F8: variants seen among roughly 807,000 people sequenced by gnomAD.
F8 encodes the protein coagulation factor VIII.
Under a neutral mutation model 140.6 loss-of-function variants are expected in F8, and 12 were observed. The ratio of observed to expected loss-of-function variants is 0.09; its 90% confidence interval spans 0.05 to 0.14. The LOEUF (loss-of-function observed/expected upper bound fraction) is 0.14. Among genes scored for constraint, F8 ranks in the 10% least tolerant of loss-of-function variants. F8 has a pLI of 1.00. For missense variants in F8, 1,354 were observed against 1,720.7 expected, an observed-to-expected ratio of 0.79 and a Z score of 3.77; for synonymous variants, 585 against 614.6, an observed-to-expected ratio of 0.95 and a Z score of 0.71.
At chrX:154,894,960 G>T (rs1157905784) in intron 22 of F8, among the ~76,000 whole-genome samples, 1 of 111,297 alleles carries the variant, frequency 9.0e-6, no homozygotes, top group Non-Finnish European at 1.9e-5. Context: ...TCCCCACTGT[G>T]TCCCAGTCTT....
chrX:154,985,729 T>C (rs1164972286), intron 5 of F8, among the ~76,000 whole-genome samples: 1 of 112,370 alleles, frequency 8.9e-6, no homozygotes, highest in Non-Finnish European at 1.9e-5. Context: ...GCACTACTAA[T>C]TGTAGACACT....
At chrX:154,997,272 AT>A (rs2073622761) in intron 2 of F8, among the ~76,000 whole-genome samples, 177 bp from the exon 3 acceptor site, 1 of 112,324 alleles carries the variant, frequency 8.9e-6, no homozygotes, top group East Asian at 2.8e-4. Context: ...CTGAGGCAAG[AT>A]TTCTGGCAAT....
chrX:154,902,171 A>G lies in F8; in HGVS notation c.5999-4T>C. 8.8e-7 allele frequency: 1 copy of G among 1,141,855 alleles called. No homozygotes were observed. The highest frequency in any genetic ancestry group is 1.2e-6 in the Non-Finnish European group (1 of 831,411). 94.1% of individuals were successfully genotyped at this position (1,141,855 alleles called of 1,213,427 possible). On this transcript the variant is annotated splice_polypyrimidine_tract_variant and splice_region_variant and intron_variant, in intron 18 of 25. Transcript: ENST00000360256. ...ATTTCCACTGTCTCAAAAACACCTT[A>G]TAAAAACCAACAGGAACAGAAATTA...
chrX:154,910,246 A>G (rs1473960741), intron 14 of F8, among the ~76,000 whole-genome samples: 1 of 111,642 alleles, frequency 9.0e-6, no homozygotes, highest in Non-Finnish European at 1.9e-5. Flanking sequence ...CAGCCATAAA[A>G]AAGGATGAGT....
chrX:154,936,682 A>G (rs1447517836), intron 13 of F8, among the ~76,000 whole-genome samples: 1 of 112,150 alleles, frequency 8.9e-6, no homozygotes, highest in African/African-American at 3.2e-5. Flanking sequence ...AACAGATAAA[A>G]TATCAGGAAG....
chrX:154,980,184 C>G (rs1418810506), intron 6 of F8, among the ~76,000 whole-genome samples: 1 of 111,552 alleles, frequency 9.0e-6, no homozygotes, highest in Non-Finnish European at 1.9e-5. Flanking sequence ...GGGATGAACA[C>G]TAGATGCATC....
At chrX:154,975,971 C>CTG (rs1266024648) in intron 6 of F8, among the ~76,000 whole-genome samples, 3 of 111,749 alleles carry the variant, frequency 2.7e-5, no homozygotes, top group African/African-American at 9.8e-5. Context: ...TGTCGGCTCA[C>CTG]TGCAAGCTCC....
rs1557284313 is a variant in F8, at chrX:154,987,297, C to T, written c.610G>A (p.Ala204Thr). The T allele has an allele frequency of 2.5e-6, 3 of 1,207,329 alleles. No individual in the cohort carries two copies. The highest frequency in any genetic ancestry group is 3.5e-5 in the South Asian group (2 of 56,789). The change falls in exon 5 of 26, where the codon GCC (alanine) becomes ACC (threonine). Residue 204 changes from alanine to threonine, a missense_variant. Coordinates refer to ENST00000360256, the MANE Select transcript of F8 (RefSeq NM_000132.4). The stretch of plus-strand genomic sequence containing the variant: ...TGCAAGGTCTGTGTCTTTTCCTTGG[C>T]CAGACTCCCTGAAAAAGAAGTGAGA... ...ALLVCREGSLAKEKTQTLHKF... is the reference protein window; with the variant it reads ...ALLVCREGSLTKEKTQTLHKF...
At chrX:154,855,057 T>C (rs781917201) in intron 25 of F8, among the ~76,000 whole-genome samples, 1 of 111,131 alleles carries the variant, frequency 9.0e-6, no homozygotes, top group South Asian at 3.9e-4. Flanking sequence ...GAGATGGAGG[T>C]TGCAGTGAGC....
rs1557284789 is a variant in F8 at position 154,992,990 on chromosome X, G to C, written c.547C>G (p.Leu183Val). ...AGGCCTGAATTCAAGTCTTTTACCA[G>C]GTCCACATGAGAAAGATATGAGTAG... ...LTYSYLSHVD[L>V]VKDLNSGLIG... The change falls in exon 4 of 26, where the codon CTG becomes GTG. Residue 183 changes from leucine (L) to valine (V), a missense_variant. Around this residue, in one of 4 missense-constraint regions of F8, gnomAD observed 128 missense variants for 230.4 expected, o/e 0.56. Transcript: ENST00000360256. 1 of 1,211,646 alleles carries C rather than the reference G, an allele frequency of 8.3e-7. No homozygotes were observed.
intron 25 of F8, among the ~76,000 whole-genome samples, chrX:154,850,314 A>AG (rs1473396179): frequency 9.1e-6 from 1 of 109,308 alleles, no homozygotes; most frequent in African/African-American, 3.3e-5. Flanking sequence ...TTTTTAGTAG[A>AG]GGGGGGTTTC....
intron 25 of F8, among the ~76,000 whole-genome samples, chrX:154,839,916 G>A (rs940238834): frequency 8.9e-6 from 1 of 111,949 alleles, no homozygotes; most frequent in East Asian, 2.8e-4. Flanking sequence ...TCTGTATTTG[G>A]AAAAATTTTT....
At chrX:154,934,617 A>G (rs1275074439) in intron 13 of F8, among the ~76,000 whole-genome samples, 1 of 111,334 alleles carries the variant, frequency 9.0e-6, no homozygotes, top group Non-Finnish European at 1.9e-5. Flanking sequence ...GAGGGGAGGA[A>G]AGAAATTCTG....
rs189292409 is a variant in F8 at position 154,848,744 on chromosome X, T to C, written c.6901-10992A>G. Reference sequence around the variant, plus strand: ...GACCCCTTGTGCTTCCCGGGTGAGGTGATACCTTACCCTGCTTCGGCTCAT... The same window carrying C: ...GACCCCTTGTGCTTCCCGGGTGAGGCGATACCTTACCCTGCTTCGGCTCAT... On this transcript the variant is annotated intron_variant, in intron 25 of 25. Transcript: ENST00000360256. Among the ~76,000 whole-genome samples the C allele has an allele frequency of 8.8e-4, 98 of 111,134 alleles. 1 individual carries two copies. In the East Asian group the frequency reaches 0.025, roughly 28 times the overall value.
chrX:154,953,851 T>C, intron 12 of F8, 41 bp downstream of exon 12: 1 of 1,206,928 alleles, frequency 8.3e-7, no homozygotes, highest in South Asian at 1.8e-5. Context: ...TCAATTTTTC[T>C]TTATTCACCA....
intron 25 of F8, among the ~76,000 whole-genome samples, chrX:154,844,958 T>C (rs2072552493): frequency 9.0e-6 from 1 of 111,143 alleles, no homozygotes; most frequent in South Asian, 3.8e-4. Flanking sequence ...TATTTTGAGA[T>C]ACGTCCCATC....
At chrX:154,894,058 T>A (rs782236602) in intron 22 of F8, among the ~76,000 whole-genome samples, 47 of 112,136 alleles carry the variant, frequency 4.2e-4, no homozygotes, top group Non-Finnish European at 7.7e-4. Context: ...CTCAACCAAT[T>A]GTCAACCAGA....
chrX:154,918,832 G>C (rs1264497749), intron 14 of F8: 1 of 98,186 alleles, frequency 1.0e-5, no homozygotes, highest in Non-Finnish European at 2.0e-5. Context: ...GTGTGCTGGG[G>C]CATCAATGAT....
At chrX:154,911,922 G>A (rs2124012185) in intron 14 of F8, among the ~76,000 whole-genome samples, 1 of 112,264 alleles carries the variant, frequency 8.9e-6, no homozygotes, top group South Asian at 3.7e-4. Context: ...TATCCATTGT[G>A]CTTTTGGTTT....
Sources: allele counts gnomAD v4.1 joint callset (sites outside exome capture counted in the v4.1 genomes callset), GRCh38; gene constraint gnomAD v4.1.1; regional missense constraint gnomAD v4.1.1; transcripts MANE v1.5; gene names NCBI Gene and HGNC (gene_info 2026-07-23, HGNC 2026-07-21).